The following KNL1 variants were observed in gnomAD, a reference collection of about 807,000 sequenced individuals.
The protein encoded by KNL1 is kinetochore scaffold 1.
Under a neutral mutation model 201.3 loss-of-function variants are expected in KNL1, and 66 were observed. The ratio of observed to expected loss-of-function variants is 0.33; its 90% CI spans 0.27 to 0.40. The LOEUF is 0.40. KNL1 is among the 10% of genes least tolerant of loss of function. The pLI, the probability that KNL1 is intolerant of heterozygous loss-of-function variation, is 1.00. For missense variants in KNL1, 2,815 were observed against 2,690.5 expected (o/e 1.05, Z -1.02); for synonymous variants, 895 against 899.2 (o/e 1.00, Z 0.08).
rs1891979400 is a variant in KNL1 at position 40,606,518 on chromosome 15, T to A, written c.135+66T>A. ...AGTTATATTTTTAAGTCAAGAAGTT[T>A]ATTAGCTATTTGAAGAGGAAATGTG... On this transcript the variant is annotated intron_variant, in intron 4 of 25. Transcript: ENST00000399668. 31 of 904,376 alleles carry A rather than the reference T, an allele frequency of 3.4e-5. No homozygotes were observed. In the South Asian group the frequency reaches 4.5e-4, roughly 13 times the overall value. The allele number at this position is 904,376 out of a possible 1,614,324, so 56.0% of individuals were successfully genotyped here. A position where few individuals can be genotyped will look rare whatever the true frequency, so the allele number is the denominator to read the frequency against.
chr15:40,656,145 G>A (rs143075163), intron 22 of KNL1, among the ~76,000 whole-genome samples: 26 of 151,958 alleles, frequency 1.7e-4, no homozygotes, highest in Admixed American at 7.9e-4. Context: ...AAGAAAGCCA[G>A]GATTGCTGGG....
At chr15:40,615,294 G>T in intron 7 of KNL1, 47 bp from the exon 8 acceptor site, 1 of 543,002 alleles carries the variant, frequency 1.8e-6, no homozygotes, top group South Asian at 1.9e-5. Flanking sequence ...AAAGATTCTT[G>T]GTAATTGTTT....
intron 1 of KNL1, among the ~76,000 whole-genome samples, chr15:40,599,777 A>G (rs1223009972): frequency 6.9e-6 from 1 of 145,798 alleles, no homozygotes; most frequent in Non-Finnish European, 1.5e-5. Context: ...TCTGATATTA[A>G]ACCGATTATG....
intron 10 of KNL1, chr15:40,625,979 ATC>A (rs1210351271): frequency 4.7e-6 from 1 of 214,272 alleles, no homozygotes; most frequent in Non-Finnish European, 9.4e-6. Flanking sequence ...TTATATAAGA[ATC>A]TCTAGGGAGG....
At chr15:40,620,585 G>C in intron 9 of KNL1, 55 bp from the exon 10 acceptor site, 2 of 1,118,836 alleles carry the variant, frequency 1.8e-6, no homozygotes, top group South Asian at 1.9e-5. Context: ...GTTGTAAAAT[G>C]CCTTTTTAAA....
At chr15:40,629,776 C>T (rs899162377) in intron 13 of KNL1, among the ~76,000 whole-genome samples, 3 of 152,004 alleles carry the variant, frequency 2.0e-5, no homozygotes, top group Non-Finnish European at 1.5e-5. Flanking sequence ...GCTGGGTTTA[C>T]AAGCGTGAGC....
chr15:40,604,874 T>C (rs1412110801), intron 2 of KNL1, among the ~76,000 whole-genome samples: 3 of 152,216 alleles, frequency 2.0e-5, no homozygotes, highest in Admixed American at 6.5e-5. Flanking sequence ...TCTATAAATA[T>C]GGTAAATTAT....
intron 14 of KNL1, chr15:40,642,988 C>T (rs1394082714): frequency 6.6e-6 from 1 of 152,032 alleles, no homozygotes; most frequent in Non-Finnish European, 1.5e-5. Flanking sequence ...TTTAGTTGTG[C>T]TTTACTGTTT....
intron 7 of KNL1, among the ~76,000 whole-genome samples, chr15:40,611,814 C>G (rs1020077305): frequency 1.3e-5 from 2 of 151,944 alleles, no homozygotes; most frequent in Admixed American, 6.6e-5. Flanking sequence ...AAGGCAAATA[C>G]CAGTAGCTCT....
intron 17 of KNL1, among the ~76,000 whole-genome samples, chr15:40,647,629 G>A (rs182566495): frequency 9.8e-4 from 149 of 152,130 alleles, no homozygotes; most frequent in South Asian, 4.8e-3. Context: ...TTTGAAAACC[G>A]TCTATCCTTT....
intron 22 of KNL1, 150 bp from the exon 23 acceptor site, chr15:40,656,892 A>G (rs1004077461): frequency 4.6e-6 from 2 of 430,368 alleles, no homozygotes; most frequent in Non-Finnish European, 8.3e-6. Context: ...GACTCCAGAA[A>G]AAAAAAGAAA....
At position 40,651,075 on chromosome 15, in the gene KNL1, C is replaced by CA. The variant is rs1048151803; in HGVS notation, c.6213-383dup. On this transcript the variant is annotated intron_variant, in intron 19 of 25. Coordinates refer to ENST00000399668, the MANE Select transcript of KNL1 (RefSeq NM_144508.5). ...ACAACTAAACGAAACCAAATACAGG[C>CA]AAAAAAAAAAAAACTGTGACATGTC... Among the ~76,000 whole-genome samples the CA allele has an allele frequency of 4.3e-3, 500 of 115,868 alleles. 2 individuals carry two copies. Among genetic ancestry groups the CA allele is most frequent in the Middle Eastern group, 0.026 (6 of 228 alleles). The allele number at this position is 115,868 out of a possible 152,430, so 76.0% of individuals were successfully genotyped here. A position where few individuals can be genotyped will look rare whatever the true frequency, so the allele number is the denominator to read the frequency against.
At chr15:40,646,248 T>G (rs1893379923) in intron 16 of KNL1, among the ~76,000 whole-genome samples, 1 of 152,154 alleles carries the variant, frequency 6.6e-6, no homozygotes, top group Admixed American at 6.5e-5. Flanking sequence ...TTTTTTAAAG[T>G]CTAAGCATAA....
At chr15:40,625,878 G>A (rs1892737670) in intron 10 of KNL1, 1 of 424,372 alleles carries the variant, frequency 2.4e-6, no homozygotes, top group African/African-American at 2.0e-5. Flanking sequence ...ATGGAAAATT[G>A]TACAAAAAGT....
intron 13 of KNL1, among the ~76,000 whole-genome samples, chr15:40,630,464 A>G (rs1892882153): frequency 6.6e-6 from 1 of 152,140 alleles, no homozygotes; most frequent in Admixed American, 6.5e-5. Context: ...AGCATCCCCA[A>G]CCCCTGGGGT....
chr15:40,660,664 C>CAAAAAAAAAAAAAAA (rs35985022), intron 25 of KNL1, among the ~76,000 whole-genome samples: 2 of 88,814 alleles, frequency 2.3e-5, no homozygotes, highest in East Asian at 3.7e-4. Context: ...AACTCCGTCT[C>CAAAAAAAAAAAAAAA]AAAAAAAAAA....
At chr15:40,656,044 T>C (rs2097537088) in intron 22 of KNL1, among the ~76,000 whole-genome samples, 1 of 152,238 alleles carries the variant, frequency 6.6e-6, no homozygotes, top group Non-Finnish European at 1.5e-5. Context: ...ATTAACACTA[T>C]GAAGTCCATG....
At position 40,640,961 on chromosome 15, in the gene KNL1, A is replaced by G. The variant is rs1287939895; in HGVS notation, c.5732A>G (p.Tyr1911Cys). Residue 1911 changes from tyrosine (Y) to cysteine (C), a missense_variant, in exon 14 of 26, where the codon TAT becomes TGT. By Grantham distance (194) the Tyr-to-Cys change is radical. Around this residue, in one of 3 missense-constraint regions of KNL1, gnomAD observed 2,464 missense variants for 2,291.7 expected, o/e 1.08. Coordinates refer to ENST00000399668, the MANE Select transcript of KNL1 (RefSeq NM_144508.5). ...PTPEDLMLSQ[Y>C]VYRPKIQIYR... ...CCAGAAGACCTGATGTTAAGTCAAT[A>G]TGTTTACCGACCCAAGATACAGATT... 2.5e-6 allele frequency: 4 copies of G among 1,613,506 alleles called. No individual in the cohort carries two copies. The highest frequency in any genetic ancestry group is 1.1e-5 in the South Asian group (1 of 91,052).
chr15:40,636,937 T>C (rs1295723684), intron 13 of KNL1, among the ~76,000 whole-genome samples: 2 of 152,152 alleles, frequency 1.3e-5, no homozygotes. Flanking sequence ...TTTCAATATG[T>C]ATTCCCTAAA....
Sources: gnomAD v4.1 joint callset for allele counts (sites outside exome capture counted in the v4.1 genomes callset) on GRCh38, gnomAD v4.1.1 for gene constraint, gnomAD v4.1.1 regional missense constraint, MANE v1.5 for transcripts, NCBI Gene and HGNC (gene_info 2026-07-23, HGNC 2026-07-21) for gene names.